The following GPC5 variants were observed in gnomAD, a reference collection of about 807,000 sequenced individuals.
GPC5 encodes the protein glypican-5.
A neutral mutation model predicts 53.9 loss-of-function variants in GPC5; 47 were observed. The observed-to-expected ratio is 0.87, with a 90% CI of 0.69 to 1.11. GPC5 has a LOEUF of 1.11. Ranked by LOEUF, GPC5 falls within the 50% of genes most tolerant of loss-of-function variation. The probability of loss-of-function intolerance (pLI) is 0.00; values close to 1 mark genes in which losing one functional copy is unlikely to be tolerated. For missense variants in GPC5, 748 were observed against 713.1 expected (o/e 1.05, Z -0.56); for synonymous variants, 286 against 263.3 (o/e 1.09, Z -0.84).
At chr13:91,464,872 A>G (rs1261695282) in intron 2 of GPC5, among the ~76,000 whole-genome samples, 1 of 152,100 alleles carries the variant, frequency 6.6e-6, no homozygotes, top group Non-Finnish European at 1.5e-5. Flanking sequence ...GATTCTACCA[A>G]TGTCAGTTTC....
intron 7 of GPC5, among the ~76,000 whole-genome samples, chr13:92,438,754 C>T (rs550998505): frequency 1.2e-4 from 18 of 151,744 alleles, no homozygotes; most frequent in Admixed American, 8.5e-4. Context: ...ATTTTGGAGG[C>T]GGATTCTAAA....
chr13:92,150,591 T>G (rs2041899906), intron 7 of GPC5, among the ~76,000 whole-genome samples: 1 of 152,050 alleles, frequency 6.6e-6, no homozygotes, highest in Non-Finnish European at 1.5e-5. Context: ...TTCATTCTTT[T>G]GAAAAGTTAT....
In GPC5 at chr13:91,572,116, TATATAC is replaced by T. The variant is rs1413388485; in HGVS notation, c.326-121070_326-121065del. On this transcript the variant is annotated intron_variant, in intron 2 of 7. Transcript: ENST00000377067. The stretch of plus-strand genomic sequence containing the variant: ...ATGTGTGTGTATATACACACATGTA[TATATAC>T]GTGTGTATATACACATATGTATATA... Among the ~76,000 whole-genome samples the T allele has an allele frequency of 5.0e-4, 67 of 133,892 alleles. 1 individual carries two copies. Among genetic ancestry groups the T allele is most frequent in the Middle Eastern group, 4.3e-3 (1 of 232 alleles). The allele number at this position is 133,892 out of a possible 152,430, so 87.8% of individuals were successfully genotyped here. A position where few individuals can be genotyped will look rare whatever the true frequency, so the allele number is the denominator to read the frequency against.
At chr13:91,860,827 T>G (rs2039019962) in intron 5 of GPC5, among the ~76,000 whole-genome samples, 1 of 152,202 alleles carries the variant, frequency 6.6e-6, no homozygotes, top group Non-Finnish European at 1.5e-5. Flanking sequence ...CTTTATCCAC[T>G]CATCTGTTGT....
intron 6 of GPC5, among the ~76,000 whole-genome samples, chr13:91,913,004 G>C (rs888057179): frequency 4.6e-5 from 7 of 152,160 alleles, no homozygotes; most frequent in African/African-American, 1.7e-4. Flanking sequence ...GCTCTCTAGA[G>C]ACCAAGGTAA....
chr13:92,148,358 A>G (rs1456362155), intron 7 of GPC5, among the ~76,000 whole-genome samples: 1 of 152,080 alleles, frequency 6.6e-6, no homozygotes, highest in Non-Finnish European at 1.5e-5. Context: ...AAGTTTTACC[A>G]CCAAAATATT....
intron 2 of GPC5, among the ~76,000 whole-genome samples, chr13:91,504,174 A>G (rs575134202): frequency 6.6e-6 from 1 of 152,244 alleles, no homozygotes; most frequent in East Asian, 1.9e-4. Context: ...AAAATTATAC[A>G]TCTCTGAAAT....
intron 6 of GPC5, among the ~76,000 whole-genome samples, chr13:91,961,595 A>G (rs1383493752): frequency 6.6e-6 from 1 of 152,122 alleles, no homozygotes; most frequent in Non-Finnish European, 1.5e-5. Context: ...AGGAATAAAC[A>G]AAGGATTGTT....
intron 6 of GPC5, among the ~76,000 whole-genome samples, chr13:92,139,439 G>C (rs189312135): frequency 1.5e-3 from 224 of 152,174 alleles, no homozygotes; most frequent in Non-Finnish European, 2.7e-3. Context: ...AGGCCGAGGC[G>C]GGTGGATCAT....
intron 2 of GPC5, among the ~76,000 whole-genome samples, chr13:91,508,195 G>A (rs113687743): frequency 4.1e-4 from 62 of 152,164 alleles, no homozygotes; most frequent in Non-Finnish European, 7.9e-4. Flanking sequence ...CATGGCTTTA[G>A]CTAACAACAA....
At chr13:92,623,385 T>A (rs1207467608) in intron 7 of GPC5, among the ~76,000 whole-genome samples, 2 of 152,102 alleles carry the variant, frequency 1.3e-5, no homozygotes, top group African/African-American at 4.8e-5. Flanking sequence ...AAGGAAGAAA[T>A]TGCTGAACAG....
At chr13:92,259,521 T>C (rs955611796) in intron 7 of GPC5, among the ~76,000 whole-genome samples, 2 of 152,124 alleles carry the variant, frequency 1.3e-5, no homozygotes, top group African/African-American at 4.8e-5. Flanking sequence ...AAGAGGAAAA[T>C]ACAGATTTGA....
At chr13:92,244,124 T>G (rs1272696860) in intron 7 of GPC5, among the ~76,000 whole-genome samples, 1 of 152,204 alleles carries the variant, frequency 6.6e-6, no homozygotes, top group Non-Finnish European at 1.5e-5. Context: ...TCATAAGAAC[T>G]GAAGCTTAAA....
At chr13:92,289,135 T>C (rs74316517) in intron 7 of GPC5, among the ~76,000 whole-genome samples, 45 of 150,494 alleles carry the variant, frequency 3.0e-4, no homozygotes, top group Non-Finnish European at 5.2e-4. Context: ...AAGGAAGTAA[T>C]TGGAAGCTAT....
chr13:92,514,026 T>A (rs1353262685), intron 7 of GPC5, among the ~76,000 whole-genome samples: 1 of 151,962 alleles, frequency 6.6e-6, no homozygotes, highest in Non-Finnish European at 1.5e-5. Flanking sequence ...CAACTAGGAA[T>A]TTAGTAATTT....
At chr13:92,832,811 C>T (rs1223784389) in intron 7 of GPC5, among the ~76,000 whole-genome samples, 1 of 152,112 alleles carries the variant, frequency 6.6e-6, no homozygotes, top group Non-Finnish European at 1.5e-5. Context: ...AGTTCGAGAC[C>T]AGCCTGGCCA....
chr13:92,671,263 A>G (rs1325550566), intron 7 of GPC5, among the ~76,000 whole-genome samples: 1 of 152,172 alleles, frequency 6.6e-6, no homozygotes, highest in Non-Finnish European at 1.5e-5. Flanking sequence ...AAGGCCTTGT[A>G]ATCCATGGTT....
chr13:92,223,001 T>C (rs1206395154), intron 7 of GPC5, among the ~76,000 whole-genome samples: 1 of 152,136 alleles, frequency 6.6e-6, no homozygotes, highest in African/African-American at 2.4e-5. Context: ...TGGGGTAGTA[T>C]TTATAGATTT....
chr13:91,702,955 T>C (rs1272669016), intron 3 of GPC5, among the ~76,000 whole-genome samples: 2 of 152,252 alleles, frequency 1.3e-5, no homozygotes, highest in East Asian at 3.9e-4. Flanking sequence ...ATGGAAGTGC[T>C]ACAGATTTTA....
Sources: allele counts gnomAD v4.1 joint callset (sites outside exome capture counted in the v4.1 genomes callset), GRCh38; gene constraint gnomAD v4.1.1; transcripts MANE v1.5; gene names NCBI Gene and HGNC (gene_info 2026-07-23, HGNC 2026-07-21).